The following MYH11 variants were observed in gnomAD, a reference collection of about 807,000 sequenced individuals.
MYH11 encodes the protein myosin-11.
In MYH11, 80 loss-of-function variants were observed where a neutral mutation model predicts 246.6. The ratio of observed to expected loss-of-function variants is 0.32; its 90% CI spans 0.27 to 0.39. MYH11 has a LOEUF of 0.39. Among genes scored for constraint, MYH11 ranks in the 10% least tolerant of loss-of-function variants. The pLI, the probability that MYH11 is intolerant of heterozygous loss-of-function variation, is 1.00. For missense variants in MYH11, 2,158 were observed against 2,546.8 expected (o/e 0.85, Z 3.29); for synonymous variants, 1,071 against 1,015.5 (o/e 1.05, Z -1.04).
chr16:15,720,226 C>G lies in MYH11; in HGVS notation c.4878G>C (p.Leu1626=). The G allele has an allele frequency of 6.2e-7, 1 of 1,614,138 alleles. No individual in the cohort carries two copies. The highest frequency in any genetic ancestry group is 8.5e-7 in the Non-Finnish European group (1 of 1,180,024). Residue 1626 remains leucine, a synonymous_variant, in exon 34 of 41, where the codon CTG becomes CTC. Coordinates refer to ENST00000300036, the MANE Select transcript of MYH11 (RefSeq NM_002474.3). ...AGTCGGCCTGAAGCTCCAGGTCTTTCAGGTCCCCTTCCAGCTTCTTCTTTG... is the reference window on the plus strand; with the variant it reads ...AGTCGGCCTGAAGCTCCAGGTCTTTGAGGTCCCCTTCCAGCTTCTTCTTTG... ...AAAKKKLEGD[L]KDLELQADSA... is the part of the protein sequence containing the mutation.
At chr16:15,720,732 CA>C (rs961111104) in intron 33 of MYH11, 106 bp downstream of exon 33, 991 of 1,246,536 alleles carry the variant, frequency 8.0e-4, no homozygotes, top group Middle Eastern at 1.3e-3. Flanking sequence ...GACTCTGTTT[CA>C]AAAAAAAATA....
intron 2 of MYH11, among the ~76,000 whole-genome samples, chr16:15,833,526 A>G (rs1316871591): frequency 6.6e-6 from 1 of 152,108 alleles, no homozygotes; most frequent in East Asian, 1.9e-4. Flanking sequence ...CAGGTATGCC[A>G]CAAACGGTCT....
chr16:15,831,931 C>G (rs539840776), intron 2 of MYH11, among the ~76,000 whole-genome samples: 3 of 151,300 alleles, frequency 2.0e-5, no homozygotes, highest in Non-Finnish European at 4.4e-5. Flanking sequence ...GAGCGAGACT[C>G]CATGTTAAAA....
At chr16:15,753,859 G>C (rs1222826317) in intron 14 of MYH11, among the ~76,000 whole-genome samples, 1 of 151,982 alleles carries the variant, frequency 6.6e-6, no homozygotes, top group Non-Finnish European at 1.5e-5. Flanking sequence ...ATGCCCTCCT[G>C]CCGACATGCA....
At chr16:15,732,982 C>T in intron 26 of MYH11, 2 of 538,176 alleles carry the variant, frequency 3.7e-6, no homozygotes, top group East Asian at 6.4e-5. Context: ...CTGTGAACTG[C>T]AAAATTTTGC....
chr16:15,789,516 G>T (rs748365622), intron 4 of MYH11, among the ~76,000 whole-genome samples: 1 of 152,166 alleles, frequency 6.6e-6, no homozygotes, highest in African/African-American at 2.4e-5. Context: ...GGATTTGAAC[G>T]TAGGTCCACT....
chr16:15,708,864 G>A lies in MYH11; in HGVS notation c.5787-4741C>T, dbSNP rs183887960. On this transcript the variant is annotated intron_variant, in intron 40 of 40. Coordinates refer to ENST00000300036, the MANE Select transcript of MYH11 (RefSeq NM_002474.3). ...CCTCTGAAACAGAGAGAGAATCCCC[G>A]GAGGTTACCATCAGCAAACAAGAAG... The A allele has an allele frequency of 1.1e-4, 172 of 1,607,386 alleles. No individual in the cohort carries two copies. In the East Asian group the frequency reaches 3.0e-3, roughly 28 times the overall value.
chr16:15,757,108 T>C (rs2041744863), intron 13 of MYH11, among the ~76,000 whole-genome samples: 1 of 151,932 alleles, frequency 6.6e-6, no homozygotes, highest in Non-Finnish European at 1.5e-5. Flanking sequence ...GAGTTCATAA[T>C]TCTTGCAAAT....
chr16:15,725,850 A>G (rs1427684529), intron 28 of MYH11: 9 of 395,414 alleles, frequency 2.3e-5, no homozygotes, highest in Non-Finnish European at 3.6e-5. Context: ...AAACCCCTCA[A>G]CAGCTTCACA....
rs767851663 is a variant in MYH11 at position 15,720,324 on chromosome 16, A to C, written c.4792-12T>G. ...TCATACTCGTGAAGCTGGGCGAGGAATAGAGATGTGTGCTGCCCCACTTGC... is the reference window on the plus strand; with the variant it reads ...TCATACTCGTGAAGCTGGGCGAGGACTAGAGATGTGTGCTGCCCCACTTGC... On this transcript the variant is annotated splice_polypyrimidine_tract_variant and intron_variant, in intron 33 of 40. Transcript: ENST00000300036. The C allele has an allele frequency of 1.2e-6, 2 of 1,612,548 alleles. No homozygotes were observed. Among genetic ancestry groups the C allele is most frequent in the Non-Finnish European group, 1.7e-6 (2 of 1,179,366 alleles).
chr16:15,708,734 G>A (rs1421438601), intron 40 of MYH11: 2 of 1,503,278 alleles, frequency 1.3e-6, no homozygotes, highest in Non-Finnish European at 1.8e-6. Flanking sequence ...GGTGGGCAGA[G>A]GGGCGCATTG....
intron 4 of MYH11, among the ~76,000 whole-genome samples, chr16:15,797,593 G>A (rs2042773231): frequency 6.8e-6 from 1 of 148,006 alleles, no homozygotes; most frequent in Non-Finnish European, 1.5e-5. Context: ...TATATATTAT[G>A]TAAATATATA....
intron 9 of MYH11, among the ~76,000 whole-genome samples, chr16:15,771,258 G>A (rs546904691): frequency 6.6e-5 from 10 of 151,762 alleles, no homozygotes; most frequent in East Asian, 1.9e-4. Flanking sequence ...CCTTGGCCCC[G>A]CAAAGCGCTG....
In MYH11 at chr16:15,726,941, C is replaced by A. The variant is rs1596738517; in HGVS notation, c.3765G>T (p.Lys1255Asn). The A allele has an allele frequency of 3.1e-6, 5 of 1,613,286 alleles. No individual in the cohort carries two copies. The highest frequency in any genetic ancestry group is 4.2e-6 in the Non-Finnish European group (5 of 1,180,016). Residue 1255 changes from lysine (K) to asparagine (N), a missense_variant, in exon 28 of 41, where the codon AAG becomes AAT. Physicochemically the swap from Lys to Asn is moderately conservative, Grantham distance 94. This residue lies in a region of MYH11 where 1,013 missense variants were observed against 993.5 expected (regional missense o/e 1.02). Transcript: ENST00000300036. Reference sequence around the variant, plus strand: ...GCTCCTGCACCTGCGCCTCCAGCTTCTTCTTCTTATGTTCCACCTCCTGCT... The same window carrying A: ...GCTCCTGCACCTGCGCCTCCAGCTTATTCTTCTTATGTTCCACCTCCTGCT... ...QAKQEVEHKKKKLEAQVQELQ... is the reference protein window; with the variant it reads ...QAKQEVEHKKNKLEAQVQELQ...
At chr16:15,789,536 G>C (rs541207679) in intron 4 of MYH11, among the ~76,000 whole-genome samples, 8 of 151,932 alleles carry the variant, frequency 5.3e-5, no homozygotes, top group Non-Finnish European at 7.4e-5. Context: ...TTGACACCAG[G>C]GCCCATGTTC....
Position 15,704,929 on chromosome 16 carries a change from T to C in MYH11, c.5787-806A>G, listed in dbSNP as rs556873480. Among the ~76,000 whole-genome samples, 35 of 152,320 alleles carry C rather than the reference T, an allele frequency of 2.3e-4. 1 individual carries two copies. In the South Asian group the frequency reaches 7.3e-3, roughly 32 times the overall value. On this transcript the variant is annotated intron_variant, in intron 40 of 40. Coordinates refer to ENST00000300036, the MANE Select transcript of MYH11 (RefSeq NM_002474.3). The stretch of plus-strand genomic sequence containing the variant: ...CCTGAGCTCAAGCAGTTCTCCTACC[T>C]TGGCCTCCCAAAGCGCTGGCATTAC...
intron 3 of MYH11, among the ~76,000 whole-genome samples, chr16:15,800,063 G>A (rs1436888689): frequency 6.6e-6 from 1 of 151,646 alleles, no homozygotes; most frequent in African/African-American, 2.4e-5. Context: ...TGGACGGGAG[G>A]GTGGATAAGC....
At chr16:15,819,916 G>A (rs999055445) in intron 3 of MYH11, among the ~76,000 whole-genome samples, 5 of 152,100 alleles carry the variant, frequency 3.3e-5, no homozygotes, top group Admixed American at 2.0e-4. Context: ...CTTCTCCGAC[G>A]ATTCAGTGGC....
intron 3 of MYH11, among the ~76,000 whole-genome samples, chr16:15,809,393 G>A (rs539383044): frequency 4.6e-5 from 7 of 152,006 alleles, no homozygotes; most frequent in Non-Finnish European, 8.8e-5. Context: ...TTAGCCAGGC[G>A]TGATGATCTG....
Sources: allele counts gnomAD v4.1 joint callset (sites outside exome capture counted in the v4.1 genomes callset), GRCh38; gene constraint gnomAD v4.1.1; regional missense constraint gnomAD v4.1.1; transcripts MANE v1.5; gene names NCBI Gene and HGNC (gene_info 2026-07-23, HGNC 2026-07-21).